Variants in SPEN observed in about 807,000 individuals in gnomAD.
SPEN encodes msx2-interacting protein.
A neutral mutation model predicts 269.9 loss-of-function variants in SPEN; 18 were observed. The observed-to-expected ratio is 0.07, with a 90% CI of 0.05 to 0.10. The LOEUF is 0.10. Ranked by LOEUF, SPEN falls within the 10% of genes least tolerant of loss-of-function variation. The pLI is 1.00. For synonymous variants in SPEN, 1,726 were observed against 1,765.7 expected (o/e 0.98, Z 0.56); for missense variants, 3,822 against 4,631.2 (o/e 0.83, Z 5.07).
At position 15,932,069 on chromosome 1, in the gene SPEN, G is replaced by A. The variant is rs751161622; in HGVS notation, c.5829G>A (p.Ala1943=). ...RLERELQEAA[A]VPTTPRRGRP... is the part of the protein sequence containing the mutation. ...AGCGAGAGCTTCAGGAGGCTGCAGC[G>A]GTTCCCACCACCCCTCGGAGGGGAA... Residue 1943 remains alanine, a synonymous_variant, in exon 11 of 15, where the codon GCG becomes GCA. Transcript: ENST00000375759. This position sits in a 1 kb window ranked among gnomAD's most constrained non-coding sequence, Gnocchi z 4.2. 9 of 1,613,940 alleles carry A rather than the reference G, an allele frequency of 5.6e-6. No homozygotes were observed. Among genetic ancestry groups the A allele is most frequent in the East Asian group, 4.5e-5 (2 of 44,892 alleles).
chr1:15,867,187 C>T (rs1364079442), intron 1 of SPEN, among the ~76,000 whole-genome samples: 1 of 152,096 alleles, frequency 6.6e-6, no homozygotes, highest in Non-Finnish European at 1.5e-5. Context: ...AATTTACTTT[C>T]TGTTTGCATG....
intron 1 of SPEN, among the ~76,000 whole-genome samples, chr1:15,866,648 C>G (rs1054892886): frequency 3.3e-5 from 5 of 152,020 alleles, no homozygotes; most frequent in Non-Finnish European, 7.4e-5. Flanking sequence ...CCACCGCGCC[C>G]GGCTGGAATA....
intron 3 of SPEN, among the ~76,000 whole-genome samples, chr1:15,901,415 T>C (rs181137080): frequency 1.3e-5 from 2 of 151,742 alleles, no homozygotes; most frequent in East Asian, 3.9e-4. Context: ...GGTCAGCAGA[T>C]TGCTTGAGCT....
intron 1 of SPEN, among the ~76,000 whole-genome samples, chr1:15,852,779 C>G (rs1557731620): frequency 6.6e-6 from 1 of 152,128 alleles, no homozygotes; most frequent in Non-Finnish European, 1.5e-5. Context: ...GTTTCCCTTT[C>G]CCCCTAGTTT....
Position 15,876,232 on chromosome 1 carries a change from A to C in SPEN, c.435A>C (p.Glu145Asp). 6.2e-7 allele frequency: 1 copy of C among 1,613,958 alleles called. No homozygotes were observed. The highest frequency in any genetic ancestry group is 8.5e-7 in the Non-Finnish European group (1 of 1,179,880). ...GASDNRERAY[E>D]HSAYGHHERG... The stretch of plus-strand genomic sequence containing the variant: ...CAGATAACAGGGAGCGTGCTTATGA[A>C]CATAGTGCCTATGGACACCATGAAC... Residue 145 changes from glutamate (E) to aspartate (D), a missense_variant, in exon 3 of 15, where the codon GAA (glutamate) becomes GAC (aspartate). Transcript: ENST00000375759.
At chr1:15,902,344 C>CA (rs1184785047) in intron 3 of SPEN, among the ~76,000 whole-genome samples, 2 of 152,150 alleles carry the variant, frequency 1.3e-5, no homozygotes, top group African/African-American at 4.8e-5. Context: ...AATTTGGCCT[C>CA]ACACAGATAC....
rs1316966444 is a variant in SPEN at position 15,878,322 on chromosome 1, G to A, written c.881+1644G>A. On this transcript the variant is annotated intron_variant, in intron 3 of 14. Coordinates refer to ENST00000375759, the MANE Select transcript of SPEN (RefSeq NM_015001.3). ...TCATGTAGTTGAATGTCTGTTTTTAGGCTTCCTGAATTTTCTTATTCAAAA... is the reference window on the plus strand; with the variant it reads ...TCATGTAGTTGAATGTCTGTTTTTAAGCTTCCTGAATTTTCTTATTCAAAA... Among the ~76,000 whole-genome samples the A allele has an allele frequency of 2.0e-5, 3 of 151,998 alleles. No homozygotes were observed. The East Asian group carries it at 5.8e-4, about 29-fold the overall frequency.
At chr1:15,851,111 A>C (rs1418563881) in intron 1 of SPEN, among the ~76,000 whole-genome samples, 1 of 152,160 alleles carries the variant, frequency 6.6e-6, no homozygotes, top group Non-Finnish European at 1.5e-5. Flanking sequence ...GTTCTTTAAA[A>C]ATTTTTATAT....
intron 8 of SPEN, among the ~76,000 whole-genome samples, chr1:15,919,835 A>G (rs2071099592): frequency 6.6e-6 from 1 of 152,186 alleles, no homozygotes; most frequent in African/African-American, 2.4e-5. Flanking sequence ...CTGACTATAT[A>G]GTTATTCACA....
intron 1 of SPEN, among the ~76,000 whole-genome samples, chr1:15,869,584 T>TTATC: frequency 6.7e-6 from 1 of 149,304 alleles, no homozygotes; most frequent in Non-Finnish European, 1.5e-5. Context: ...TCTACTGTAT[T>TTATC]TATTTATTTA....
chr1:15,855,239 G>A (rs946510413), intron 1 of SPEN, among the ~76,000 whole-genome samples: 2 of 151,986 alleles, frequency 1.3e-5, no homozygotes, highest in East Asian at 1.9e-4. Context: ...ATGCTGTTTG[G>A]GTCACTAGGG....
intron 4 of SPEN, 152 bp downstream of exon 4, chr1:15,909,633 T>C (rs913922047): frequency 2.4e-6 from 2 of 838,650 alleles, no homozygotes; most frequent in Non-Finnish European, 3.7e-6. Flanking sequence ...CCATGAATAA[T>C]GGAAAAGTCT....
chr1:15,859,212 C>A (rs1161638254), intron 1 of SPEN, among the ~76,000 whole-genome samples: 1 of 146,114 alleles, frequency 6.8e-6, no homozygotes, highest in Non-Finnish European at 1.5e-5. Flanking sequence ...TGGCTATACA[C>A]AGGTGAGATC....
intron 1 of SPEN, among the ~76,000 whole-genome samples, chr1:15,865,420 G>GTTT (rs35623952): frequency 1.3e-4 from 15 of 116,072 alleles, no homozygotes; most frequent in African/African-American, 1.7e-4. Flanking sequence ...GTATATGCCT[G>GTTT]TTTTTTTTTT....
At chr1:15,878,855 C>T (rs1487490258) in intron 3 of SPEN, among the ~76,000 whole-genome samples, 2 of 151,078 alleles carry the variant, frequency 1.3e-5, no homozygotes, top group Non-Finnish European at 3.0e-5. Context: ...ACTAAAAATA[C>T]AAAAATTAGC....
rs773963387 is a variant in SPEN at position 15,911,272 on chromosome 1, A to G, written c.1214A>G (p.Gln405Arg). 6.2e-7 allele frequency: 1 copy of G among 1,614,160 alleles called. No individual in the cohort carries two copies. Residue 405 changes from glutamine to arginine, a missense_variant, in exon 5 of 15, where the codon CAG becomes CGG. Gln to Arg is a conservative substitution (Grantham distance 43). Transcript: ENST00000375759. ...ASKGKLFFGM[Q>R]IEVTAWIGPE... ...AAAGGAAAACTTTTCTTTGGCATGCAGATTGAAGTAACAGCATGGATAGGT... is the reference window on the plus strand; with the variant it reads ...AAAGGAAAACTTTTCTTTGGCATGCGGATTGAAGTAACAGCATGGATAGGT...
intron 3 of SPEN, among the ~76,000 whole-genome samples, chr1:15,898,717 C>A (rs1425587684): frequency 1.3e-5 from 2 of 151,800 alleles, no homozygotes; most frequent in East Asian, 1.9e-4. Context: ...GTGCAACTAC[C>A]GCCTGGCTAA....
chr1:15,862,577 T>C (rs1006126568), intron 1 of SPEN, among the ~76,000 whole-genome samples: 9 of 152,210 alleles, frequency 5.9e-5, no homozygotes, highest in Non-Finnish European at 8.8e-5. Flanking sequence ...GGAATTTTTC[T>C]CCTCATAATT....
At position 15,932,777 on chromosome 1, in the gene SPEN, A is replaced by G; in HGVS notation, c.6537A>G (p.Ala2179=). 6.2e-7 allele frequency: 1 copy of G among 1,614,194 alleles called. No individual in the cohort carries two copies. Among genetic ancestry groups the G allele is most frequent in the Middle Eastern group, 1.6e-4 (1 of 6,062 alleles). The change falls in exon 11 of 15, where the codon GCA becomes GCG. Residue 2179 remains alanine, a synonymous_variant. Coordinates refer to ENST00000375759, the MANE Select transcript of SPEN (RefSeq NM_015001.3). This position sits in a 1 kb window ranked among gnomAD's most constrained non-coding sequence, Gnocchi z 4.2. ...TGGAGCAGGCCGTGGAACACATCGC[A>G]AAGCTCGCTGAGGCCTCTGCCTCTG... ...MELEQAVEHI[A]KLAEASASAA... is the part of the protein sequence containing the mutation.
Sources: allele counts gnomAD v4.1 joint callset (sites outside exome capture counted in the v4.1 genomes callset), GRCh38; gene constraint gnomAD v4.1.1; non-coding constraint Gnocchi (gnomAD v3.1); transcripts MANE v1.5; gene names NCBI Gene and HGNC (gene_info 2026-07-23, HGNC 2026-07-21).